CTNNA2: variants seen among roughly 807,000 people sequenced by gnomAD.
CTNNA2 encodes the protein catenin alpha 2.
A neutral mutation model predicts 101.0 loss-of-function variants in CTNNA2; 42 were observed. The ratio of observed to expected loss-of-function variants is 0.42; its 90% CI spans 0.32 to 0.54. The LOEUF (loss-of-function observed/expected upper bound fraction) is 0.54, where lower values mean the gene tolerates loss of function less well. Among genes scored for constraint, CTNNA2 ranks in the 20% least tolerant of loss-of-function variants. The pLI, the probability that CTNNA2 is intolerant of heterozygous loss-of-function variation, is 0.14. For synonymous variants in CTNNA2, 450 were observed against 456.4 expected, an observed-to-expected ratio of 0.99 and a Z score of 0.18; for missense variants, 871 against 1,223.1, an observed-to-expected ratio of 0.71 and a Z score of 4.29.
intron 2 of CTNNA2, among the ~76,000 whole-genome samples, chr2:79,270,651 ATCT>A (rs1408267370): frequency 1.3e-5 from 2 of 151,992 alleles, no homozygotes; most frequent in African/African-American, 4.8e-5. Context: ...GTTCTCAGAA[ATCT>A]TCTCAGATAA....
At chr2:79,345,997 G>A (rs1677255310) in intron 3 of CTNNA2, among the ~76,000 whole-genome samples, 1 of 151,898 alleles carries the variant, frequency 6.6e-6, no homozygotes, top group Non-Finnish European at 1.5e-5. Flanking sequence ...ACCGTGTCCG[G>A]CCAAATAGTT....
At chr2:79,685,209 A>G (rs1264738741) in intron 2 of CTNNA2, among the ~76,000 whole-genome samples, 5 of 152,184 alleles carry the variant, frequency 3.3e-5, no homozygotes, top group Non-Finnish European at 7.3e-5. Flanking sequence ...CATAAACTAG[A>G]TTAGCATATA....
At chr2:79,347,571 A>C (rs1470134327) in intron 3 of CTNNA2, among the ~76,000 whole-genome samples, 4 of 152,114 alleles carry the variant, frequency 2.6e-5, no homozygotes, top group Non-Finnish European at 5.9e-5. Context: ...CGAACCTGCG[A>C]AAACTCACTT....
At chr2:79,600,306 G>A (rs1400445514) in intron 1 of CTNNA2, among the ~76,000 whole-genome samples, 4 of 152,082 alleles carry the variant, frequency 2.6e-5, no homozygotes, top group African/African-American at 9.7e-5. Context: ...CTTCCCAGTA[G>A]CTGGGATTAC....
chr2:79,378,024 G>T (rs892862153), intron 4 of CTNNA2, among the ~76,000 whole-genome samples: 1 of 152,126 alleles, frequency 6.6e-6, no homozygotes, highest in Admixed American at 6.6e-5. Flanking sequence ...ATGAAGCAGT[G>T]TTCTAATCAT....
At chr2:79,693,037 TA>T (rs893563227) in intron 2 of CTNNA2, among the ~76,000 whole-genome samples, 1 of 151,322 alleles carries the variant, frequency 6.6e-6, no homozygotes, top group Non-Finnish European at 1.5e-5. Context: ...AAATAAAAAT[TA>T]AAAAAATAAA....
intron 7 of CTNNA2, among the ~76,000 whole-genome samples, chr2:80,136,192 A>G (rs1395885546): frequency 6.6e-6 from 1 of 152,164 alleles, no homozygotes; most frequent in Admixed American, 6.6e-5. Flanking sequence ...TTCTTGATGC[A>G]TAATGACTGT....
At chr2:79,644,089 G>A (rs1319768456) in intron 1 of CTNNA2, among the ~76,000 whole-genome samples, 3 of 152,128 alleles carry the variant, frequency 2.0e-5, no homozygotes, top group Admixed American at 1.3e-4. Context: ...CCAGGCTGGA[G>A]CGCAGTGGCA....
chr2:79,586,279 G>C (rs1676480625), intron 1 of CTNNA2, among the ~76,000 whole-genome samples: 1 of 152,106 alleles, frequency 6.6e-6, no homozygotes, highest in African/African-American at 2.4e-5. Flanking sequence ...TTTCTGTCAA[G>C]AGTGTCACCT....
At chr2:79,521,952 G>A (rs905456837) in intron 1 of CTNNA2, among the ~76,000 whole-genome samples, 3 of 152,210 alleles carry the variant, frequency 2.0e-5, no homozygotes, top group Non-Finnish European at 4.4e-5. Flanking sequence ...TGGGGCCCAT[G>A]GAGTTGGGAC....
At chr2:80,033,574 GAAAAACAAAAAC>G (rs1014742996) in intron 7 of CTNNA2, among the ~76,000 whole-genome samples, 1 of 152,060 alleles carries the variant, frequency 6.6e-6, no homozygotes, top group East Asian at 1.9e-4. Context: ...GTGAGACTCT[GAAAAACAAAAAC>G]AAAAACAAAA....
chr2:80,147,366 G>T (rs1703414933), intron 7 of CTNNA2, among the ~76,000 whole-genome samples: 1 of 152,124 alleles, frequency 6.6e-6, no homozygotes, highest in Non-Finnish European at 1.5e-5. Context: ...CTCCCAAAGT[G>T]CTGGGATTAC....
intron 7 of CTNNA2, among the ~76,000 whole-genome samples, chr2:79,948,829 G>A (rs1356781511): frequency 3.9e-5 from 6 of 152,116 alleles, no homozygotes; most frequent in South Asian, 2.1e-4. Context: ...ATAGCCGGGC[G>A]TGGTGACGGG....
chr2:80,041,276 T>TG (rs1558752910), intron 7 of CTNNA2, among the ~76,000 whole-genome samples: 1 of 152,048 alleles, frequency 6.6e-6, no homozygotes, highest in African/African-American at 2.4e-5. Context: ...TTTATTTTTT[T>TG]TTTTTTACTT....
intron 1 of CTNNA2, among the ~76,000 whole-genome samples, chr2:79,594,508 G>A (rs1017484341): frequency 6.6e-5 from 10 of 152,104 alleles, no homozygotes; most frequent in Admixed American, 1.3e-4. Flanking sequence ...TTAGAATAGC[G>A]CTTGGCACAT....
intron 4 of CTNNA2, among the ~76,000 whole-genome samples, chr2:79,381,600 C>T (rs557048398): frequency 2.6e-4 from 39 of 152,284 alleles, no homozygotes; most frequent in Admixed American, 6.5e-4. Context: ...CTAAGCCAGA[C>T]GGAAGAGGCT....
chr2:80,000,729 T>TTC (rs375777328), intron 7 of CTNNA2, among the ~76,000 whole-genome samples: 1 of 152,130 alleles, frequency 6.6e-6, no homozygotes, highest in Non-Finnish European at 1.5e-5. Flanking sequence ...AAGGAAGAAG[T>TTC]TCTCTCTCTC....
chr2:80,382,262 C>G (rs1246433428), intron 7 of CTNNA2, among the ~76,000 whole-genome samples: 1 of 152,064 alleles, frequency 6.6e-6, no homozygotes, highest in African/African-American at 2.4e-5. Flanking sequence ...TTGCTTAGCA[C>G]CGATTCTGTG....
chr2:79,468,382 G>A (rs1296648958), intron 4 of CTNNA2, among the ~76,000 whole-genome samples: 1 of 152,088 alleles, frequency 6.6e-6, no homozygotes, highest in East Asian at 1.9e-4. Context: ...CATAAAGCAA[G>A]CCCTTAGAGA....
Sources: allele counts gnomAD v4.1 joint callset (sites outside exome capture counted in the v4.1 genomes callset), GRCh38; gene constraint gnomAD v4.1.1; transcripts MANE v1.5; gene names NCBI Gene and HGNC (gene_info 2026-07-23, HGNC 2026-07-21).